Variants in FAM53B observed in about 807,000 individuals in gnomAD.
FAM53B encodes the protein protein FAM53B.
Under a neutral mutation model 32.7 loss-of-function variants are expected in FAM53B, and 12 were observed. That is an observed-to-expected ratio of 0.37 (90% CI 0.24 to 0.59). The LOEUF is 0.59. FAM53B is among the 20% of genes least tolerant of loss of function. FAM53B has a pLI of 0.72. For missense variants in FAM53B, 477 were observed against 577.7 expected, an observed-to-expected ratio of 0.83 and a Z score of 1.79; for synonymous variants, 234 against 228.7, an observed-to-expected ratio of 1.02 and a Z score of -0.21.
Position 124,632,864 on chromosome 10 carries a change from C to T in FAM53B, c.907-9260G>A, listed in dbSNP as rs559457486. Among the ~76,000 whole-genome samples the T allele has an allele frequency of 8.5e-5, 13 of 152,328 alleles. 1 individual carries two copies. In the South Asian group the frequency reaches 1.2e-3, roughly 15 times the overall value. ...GAAAGCATGCAGTCCTCCGGCAGGA[C>T]GGTGGGGTAGTATGGGCTGGACAGG... On this transcript the variant is annotated intron_variant, in intron 4 of 4. Transcript: ENST00000337318.
chr10:124,648,877 T>A (rs1210366210), intron 4 of FAM53B, among the ~76,000 whole-genome samples: 2 of 152,224 alleles, frequency 1.3e-5, no homozygotes, highest in Non-Finnish European at 2.9e-5. Flanking sequence ...TTAACGAATG[T>A]GCAGCGTCAC....
intron 4 of FAM53B, among the ~76,000 whole-genome samples, chr10:124,679,066 A>G (rs1949753351): frequency 1.3e-5 from 2 of 152,204 alleles, no homozygotes; most frequent in Non-Finnish European, 2.9e-5. Context: ...AAGAATGCAC[A>G]AGTGGAGCTC....
chr10:124,674,613 A>G (rs898351923), intron 4 of FAM53B, among the ~76,000 whole-genome samples: 3 of 152,278 alleles, frequency 2.0e-5, no homozygotes, highest in African/African-American at 7.2e-5. Context: ...GAAGCCTGGG[A>G]ACGACATTAG....
At chr10:124,713,194 C>T (rs1477236491) in intron 1 of FAM53B, among the ~76,000 whole-genome samples, 2 of 152,236 alleles carry the variant, frequency 1.3e-5, no homozygotes, top group Non-Finnish European at 2.9e-5. Flanking sequence ...TCTCACGTTC[C>T]TATGAACAGG....
intron 2 of FAM53B, among the ~76,000 whole-genome samples, chr10:124,697,885 T>G (rs1454233239): frequency 6.6e-6 from 1 of 152,110 alleles, no homozygotes; most frequent in Non-Finnish European, 1.5e-5. Flanking sequence ...TGTGGAAATA[T>G]CTGGGAAGAA....
chr10:124,630,714 G>C (rs572776080), intron 4 of FAM53B, among the ~76,000 whole-genome samples: 2 of 152,226 alleles, frequency 1.3e-5, no homozygotes, highest in Non-Finnish European at 2.9e-5. Context: ...TGGCCCAGTG[G>C]GGGTGGTAAA....
At chr10:124,702,913 A>G (rs940139429) in intron 2 of FAM53B, among the ~76,000 whole-genome samples, 3 of 152,204 alleles carry the variant, frequency 2.0e-5, no homozygotes, top group Admixed American at 6.5e-5. Flanking sequence ...GAGGGCTGGT[A>G]GTTTAACAGG....
chr10:124,740,856 G>A (rs1280494243), intron 1 of FAM53B, among the ~76,000 whole-genome samples: 2 of 152,194 alleles, frequency 1.3e-5, no homozygotes, highest in African/African-American at 4.8e-5. Flanking sequence ...GACGAGGCAA[G>A]GAGGAGGAGA....
intron 3 of FAM53B, among the ~76,000 whole-genome samples, chr10:124,691,345 A>G (rs1421639049): frequency 6.6e-6 from 1 of 152,230 alleles, no homozygotes; most frequent in Non-Finnish European, 1.5e-5. Flanking sequence ...GGGCTGCTAT[A>G]ATATTTTTAC....
chr10:124,665,075 T>C (rs963349709), intron 4 of FAM53B, among the ~76,000 whole-genome samples: 1 of 152,194 alleles, frequency 6.6e-6, no homozygotes, highest in African/African-American at 2.4e-5. Flanking sequence ...CTCGCTTGTG[T>C]GCACCAGGCT....
chr10:124,626,162 G>GCTGCGAGTGTTTTCTGTGGCCTC (rs1402264575), intron 4 of FAM53B, among the ~76,000 whole-genome samples: 1 of 152,270 alleles, frequency 6.6e-6, no homozygotes, highest in Non-Finnish European at 1.5e-5. Flanking sequence ...GGCGTGGCCT[G>GCTGCGAGTGTTTTCTGTGGCCTC]CTGCGAGTGT....
intron 3 of FAM53B, among the ~76,000 whole-genome samples, chr10:124,689,186 ACC>A (rs1346916213): frequency 6.6e-6 from 1 of 152,004 alleles, no homozygotes; most frequent in Non-Finnish European, 1.5e-5. Context: ...AAGCTCACCA[ACC>A]CATCAATGGG....
chr10:124,714,616 G>T (rs1328570078), intron 1 of FAM53B, among the ~76,000 whole-genome samples: 1 of 152,024 alleles, frequency 6.6e-6, no homozygotes, highest in African/African-American at 2.4e-5. Flanking sequence ...AGAATTAGCC[G>T]GGTGTGGTGG....
intron 1 of FAM53B, among the ~76,000 whole-genome samples, chr10:124,719,902 C>A (rs1950058856): frequency 6.6e-6 from 1 of 152,214 alleles, no homozygotes; most frequent in Admixed American, 6.5e-5. Context: ...GTGGCTCACG[C>A]CTGTAATCCC....
At chr10:124,719,047 TAAA>T (rs34673024) in intron 1 of FAM53B, among the ~76,000 whole-genome samples, 1 of 148,878 alleles carries the variant, frequency 6.7e-6, no homozygotes. Context: ...ACAAAAAAAA[TAAA>T]AAAAAAGAAG....
chr10:124,735,492 C>T (rs1166678021), intron 1 of FAM53B, among the ~76,000 whole-genome samples: 2 of 152,232 alleles, frequency 1.3e-5, no homozygotes, highest in African/African-American at 2.4e-5. Context: ...AAAAACCCTA[C>T]GCTATCTGAG....
rs984600141 is a variant in FAM53B, at chr10:124,722,030, G to A, written c.-174-15143C>T. Among the ~76,000 whole-genome samples the A allele has an allele frequency of 9.2e-5, 14 of 152,176 alleles. No individual in the cohort carries two copies. In the East Asian group the frequency reaches 2.7e-3, roughly 29 times the overall value. ...GCAGAACAGAGGAGACTAGAGGCTG[G>A]GAAGGGTAGGGGGAAGGCGGGGAAC... On this transcript the variant is annotated intron_variant, in intron 1 of 4. Coordinates refer to ENST00000337318, the MANE Select transcript of FAM53B (RefSeq NM_014661.4).
intron 3 of FAM53B, among the ~76,000 whole-genome samples, chr10:124,689,638 C>G (rs1464574665): frequency 6.6e-6 from 1 of 152,246 alleles, no homozygotes; most frequent in Non-Finnish European, 1.5e-5. Flanking sequence ...CTGCAGGACT[C>G]TGGGAGGTGA....
chr10:124,639,641 C>T lies in FAM53B; in HGVS notation c.907-16037G>A, dbSNP rs188774629. ...TTCTTTTGACTTTCCCAGGGACACACCTCAACATAACTATGAATTTTCTGA... is the reference window on the plus strand; with the variant it reads ...TTCTTTTGACTTTCCCAGGGACACATCTCAACATAACTATGAATTTTCTGA... On this transcript the variant is annotated intron_variant, in intron 4 of 4. Coordinates refer to ENST00000337318, the MANE Select transcript of FAM53B (RefSeq NM_014661.4). 4.6e-5 allele frequency among the ~76,000 whole-genome samples: 7 copies of T among 152,288 alleles called. No homozygotes were observed. The South Asian group carries it at 1.2e-3, about 27-fold the overall frequency.
Sources: gnomAD v4.1 joint callset for allele counts (sites outside exome capture counted in the v4.1 genomes callset) on GRCh38, gnomAD v4.1.1 for gene constraint, MANE v1.5 for transcripts, NCBI Gene and HGNC (gene_info 2026-07-23, HGNC 2026-07-21) for gene names.